Variants in AGAP3 observed in about 807,000 individuals in gnomAD.
AGAP3 encodes the protein arf-GAP with GTPase, ANK repeat and PH domain-containing protein 3.
In AGAP3, 24 loss-of-function variants were observed where a neutral mutation model predicts 96.9. That is an observed-to-expected ratio of 0.25 (90% CI 0.18 to 0.35). AGAP3 has a LOEUF of 0.35. Among genes scored for constraint, AGAP3 ranks in the 10% least tolerant of loss-of-function variants. The pLI is 1.00. For missense variants in AGAP3, 876 were observed against 1,254.2 expected (o/e 0.70, Z 4.55); for synonymous variants, 563 against 536.1 (o/e 1.05, Z -0.69).
chr7:151,129,181 G>A (rs906966409), intron 10 of AGAP3, among the ~76,000 whole-genome samples: 1 of 152,072 alleles, frequency 6.6e-6, no homozygotes, highest in Admixed American at 6.5e-5. Context: ...GTGGTGACTG[G>A]AGTGGCCCCT....
intron 8 of AGAP3, 85 bp downstream of exon 8, chr7:151,120,230 G>A (rs1164393314): frequency 2.8e-6 from 4 of 1,422,460 alleles, no homozygotes; most frequent in Non-Finnish European, 3.8e-6. Flanking sequence ...GGAGGGGCGT[G>A]GGCAGCCCCA....
Position 151,128,570 on chromosome 7 carries a change from C to T in AGAP3, c.1222-10C>T, listed in dbSNP as rs745625267. 1 of 1,613,246 alleles carries T rather than the reference C, an allele frequency of 6.2e-7. No individual in the cohort carries two copies. The highest frequency in any genetic ancestry group is 1.7e-5 in the Admixed American group (1 of 59,996). The stretch of plus-strand genomic sequence containing the variant: ...TGGCTCCTGGTTTCTGATCAGACCT[C>T]TGTTCTCAGGGGATCCTGCTAAAGC... On this transcript the variant is annotated splice_polypyrimidine_tract_variant and intron_variant, in intron 9 of 17. Coordinates refer to ENST00000397238, the MANE Select transcript of AGAP3 (RefSeq NM_031946.7).
chr7:151,092,071 C>T (rs1162969184), intron 1 of AGAP3, among the ~76,000 whole-genome samples: 1 of 152,140 alleles, frequency 6.6e-6, no homozygotes, highest in Non-Finnish European at 1.5e-5. Context: ...TATTTATTTC[C>T]ACCCTGCCGT....
At position 151,094,346 on chromosome 7, in the gene AGAP3, C is replaced by T. The variant is rs74323555; in HGVS notation, c.331+7274C>T. 9.4e-3 allele frequency among the ~76,000 whole-genome samples: 1,428 copies of T among 152,136 alleles called. 22 individuals carry two copies. Among genetic ancestry groups the T allele is most frequent in the African/African-American group, 0.032 (1,332 of 41,506 alleles). On this transcript the variant is annotated intron_variant, in intron 1 of 17. Coordinates refer to ENST00000397238, the MANE Select transcript of AGAP3 (RefSeq NM_031946.7). ...GAAGAAAATGGTCAGACTCTGGGGT[C>T]GGCACATTTTTAGGACGTTTGCGGC...
rs1025868708 is a variant in AGAP3 at position 151,144,130 on chromosome 7, G to A, written c.*187G>A. On this transcript the variant is annotated 3_prime_UTR_variant, in exon 18 of 18. Coordinates refer to ENST00000397238, the MANE Select transcript of AGAP3 (RefSeq NM_031946.7). ...TGGGGATTTGAGCTGCAGCAGAGAG[G>A]GATGAGGGATTTAGCCCTCTGCCCT... 7.4e-6 allele frequency: 5 copies of A among 672,652 alleles called. No homozygotes were observed. The African/African-American group carries it at 9.1e-5, about 12-fold the overall frequency. The allele number at this position is 672,652 out of a possible 1,614,324, so 41.7% of individuals were successfully genotyped here. A position where few individuals can be genotyped will look rare whatever the true frequency, so the allele number is the denominator to read the frequency against.
intron 11 of AGAP3, among the ~76,000 whole-genome samples, 166 bp downstream of exon 11, chr7:151,134,734 GAGTT>G (rs1298122649): frequency 6.6e-6 from 1 of 152,248 alleles, no homozygotes; most frequent in Non-Finnish European, 1.5e-5. Flanking sequence ...AGCCCTCGTG[GAGTT>G]AGTTGAGGTG....
chr7:151,117,054 C>T, intron 2 of AGAP3, 41 bp from the exon 3 acceptor site: 10 of 1,583,572 alleles, frequency 6.3e-6, no homozygotes, highest in Non-Finnish European at 8.7e-6. Context: ...CTCCCTCGTG[C>T]CCTCTGCCCT....
In AGAP3 at chr7:151,141,702, G is replaced by A; in HGVS notation, c.1805-196G>A. On this transcript the variant is annotated intron_variant, in intron 13 of 17. Coordinates refer to ENST00000397238, the MANE Select transcript of AGAP3 (RefSeq NM_031946.7). The surrounding 1 kb of genome is among the most constrained non-coding windows in gnomAD (Gnocchi z 4.2). ...AGGTGGTTAGGAATGAGAACTGGGA[G>A]CTCACACTAGTCTTGCAGGTTTACT... The A allele has an allele frequency of 1.6e-6, 1 of 622,888 alleles. No individual in the cohort carries two copies. Among genetic ancestry groups the A allele is most frequent in the East Asian group, 2.8e-5 (1 of 35,802 alleles). 38.6% of individuals were successfully genotyped at this position (622,888 alleles called of 1,614,324 possible).
rs1398331737 is a variant in AGAP3 at position 151,142,636 on chromosome 7, T to A, written c.2273+2T>A. On this transcript the variant is annotated splice_donor_variant, in intron 16 of 17. Coordinates refer to ENST00000397238, the MANE Select transcript of AGAP3 (RefSeq NM_031946.7). LOFTEE classifies it high-confidence loss of function. This position sits in a 1 kb window ranked among gnomAD's most constrained non-coding sequence, Gnocchi z 7.5. ...CAAGCCAGGGCCTGATGCCTGCAGG[T>A]GAGCAGATGGTGCCCTGGAGCTGGC... The A allele has an allele frequency of 1.2e-6, 2 of 1,611,470 alleles. No individual in the cohort carries two copies. The highest frequency in any genetic ancestry group is 1.7e-6 in the Non-Finnish European group (2 of 1,179,762).
At position 151,116,784 on chromosome 7, in the gene AGAP3, C is replaced by T; in HGVS notation, c.332-9C>T. On this transcript the variant is annotated splice_polypyrimidine_tract_variant and intron_variant, in intron 1 of 17. Transcript: ENST00000397238. Reference sequence around the variant, plus strand: ...CCTGGCCCTGACGGGGCGGCTCTGTCTTCCGCAGACTCGTTTGTGAACAGC... The same window carrying T: ...CCTGGCCCTGACGGGGCGGCTCTGTTTTCCGCAGACTCGTTTGTGAACAGC... 3 of 1,614,080 alleles carry T rather than the reference C, an allele frequency of 1.9e-6. No homozygotes were observed. Among genetic ancestry groups the T allele is most frequent in the Non-Finnish European group, 2.5e-6 (3 of 1,180,004 alleles).
chr7:151,133,655 C>T lies in AGAP3; in HGVS notation c.1327-745C>T, dbSNP rs948725941. 2.6e-5 allele frequency among the ~76,000 whole-genome samples: 4 copies of T among 152,184 alleles called. No homozygotes were observed. The highest frequency in any genetic ancestry group is 6.5e-5 in the Admixed American group (1 of 15,280). On this transcript the variant is annotated intron_variant, in intron 10 of 17. Transcript: ENST00000397238. This position sits in a 1 kb window ranked among gnomAD's most constrained non-coding sequence, Gnocchi z 5.4. Reference sequence around the variant, plus strand: ...ATCGTGTGTTCCTGGGCAGATAAGCCTTTCTAAGCCTCAGTTGCTTCATCT... The same window carrying T: ...ATCGTGTGTTCCTGGGCAGATAAGCTTTTCTAAGCCTCAGTTGCTTCATCT...
chr7:151,123,625 C>A, intron 8 of AGAP3, 169 bp from the exon 9 acceptor site: 2 of 1,458,608 alleles, frequency 1.4e-6, no homozygotes, highest in South Asian at 2.8e-5. Flanking sequence ...TAAGAATAAA[C>A]CCGTTGGAAT....
At chr7:151,090,922 C>T (rs1353536451) in intron 1 of AGAP3, among the ~76,000 whole-genome samples, 1 of 151,908 alleles carries the variant, frequency 6.6e-6, no homozygotes, top group Non-Finnish European at 1.5e-5. Context: ...CCAGCCTGGG[C>T]AACAGAGCAA....
intron 11 of AGAP3, among the ~76,000 whole-genome samples, chr7:151,135,304 C>T (rs1021463926): frequency 6.6e-6 from 1 of 152,222 alleles, no homozygotes; most frequent in African/African-American, 2.4e-5. Flanking sequence ...CTCATGTTCC[C>T]TGGGCCCAGT....
chr7:151,120,265 C>T, intron 8 of AGAP3, 120 bp downstream of exon 8: 1 of 1,088,308 alleles, frequency 9.2e-7, no homozygotes, highest in Non-Finnish European at 1.3e-6. Flanking sequence ...TACCTGCAGT[C>T]TCTCCCTCAG....
chr7:151,136,716 G>A (rs1166583556), intron 11 of AGAP3, among the ~76,000 whole-genome samples: 2 of 152,258 alleles, frequency 1.3e-5, no homozygotes, highest in Admixed American at 1.3e-4. Context: ...TGGGTCGGGG[G>A]CTTGGGGAGG....
chr7:151,139,364 C>G lies in AGAP3; in HGVS notation c.1667-615C>G, dbSNP rs1304057275. On this transcript the variant is annotated intron_variant, in intron 12 of 17. Transcript: ENST00000397238. The surrounding 1 kb of genome is among the most constrained non-coding windows in gnomAD (Gnocchi z 4.9). The stretch of plus-strand genomic sequence containing the variant: ...ACCCCTGGGAGAAGTGAGCTTGGAG[C>G]GCATGAGAAGGGGAGCCAGGGGCCC... 6.6e-6 allele frequency among the ~76,000 whole-genome samples: 1 copy of G among 152,176 alleles called. No individual in the cohort carries two copies. The highest frequency in any genetic ancestry group is 2.4e-5 in the African/African-American group (1 of 41,446).
At chr7:151,138,734 G>C (rs1044912389) in intron 12 of AGAP3, among the ~76,000 whole-genome samples, 1 of 152,218 alleles carries the variant, frequency 6.6e-6, no homozygotes, top group South Asian at 2.1e-4. Context: ...CGGCTGAGTA[G>C]GGAGGTCGGA....
intron 8 of AGAP3, 30 bp from the exon 9 acceptor site, chr7:151,123,764 C>T: frequency 1.9e-6 from 3 of 1,612,512 alleles, no homozygotes; most frequent in Non-Finnish European, 1.7e-6. Context: ...CCCTGGGCCT[C>T]TTTAACACGC....
Sources: gnomAD v4.1 joint callset for allele counts (sites outside exome capture counted in the v4.1 genomes callset) on GRCh38, gnomAD v4.1.1 for gene constraint, Gnocchi (gnomAD v3.1) non-coding constraint, MANE v1.5 for transcripts, NCBI Gene and HGNC (gene_info 2026-07-23, HGNC 2026-07-21) for gene names.